Variants in GPC5 observed in about 807,000 individuals in gnomAD.
GPC5 encodes the protein glypican 5.
In GPC5, 47 loss-of-function variants were observed where a neutral mutation model predicts 53.9. That is an observed-to-expected ratio of 0.87 (90% CI 0.69 to 1.11). The LOEUF is 1.11. Among genes scored for constraint, GPC5 ranks in the 50% most tolerant of loss-of-function variants. The pLI is 0.00. For missense variants in GPC5, 748 were observed against 713.1 expected (o/e 1.05, Z -0.56); for synonymous variants, 286 against 263.3 (o/e 1.09, Z -0.84).
At chr13:92,211,725 C>T (rs989194893) in intron 7 of GPC5, among the ~76,000 whole-genome samples, 1 of 152,154 alleles carries the variant, frequency 6.6e-6, no homozygotes, top group Admixed American at 6.5e-5. Context: ...AATTTGAGAA[C>T]TCCTGAATTA....
chr13:91,866,246 G>A (rs561738363), intron 5 of GPC5, among the ~76,000 whole-genome samples: 113 of 152,226 alleles, frequency 7.4e-4, no homozygotes, highest in Non-Finnish European at 1.5e-3. Flanking sequence ...TAATTTGCTT[G>A]ATGGTTGAAA....
intron 2 of GPC5, among the ~76,000 whole-genome samples, chr13:91,598,275 A>T (rs1411908467): frequency 2.6e-5 from 4 of 152,126 alleles, no homozygotes; most frequent in Admixed American, 6.6e-5. Flanking sequence ...AGTACCAGTG[A>T]CGATGCACTT....
At chr13:92,038,091 A>C (rs2040908304) in intron 6 of GPC5, among the ~76,000 whole-genome samples, 1 of 151,992 alleles carries the variant, frequency 6.6e-6, no homozygotes, top group Non-Finnish European at 1.5e-5. Context: ...GTGGCATGTG[A>C]TTGGCTTATG....
chr13:92,725,100 G>T (rs746156585), intron 7 of GPC5, among the ~76,000 whole-genome samples: 1 of 151,416 alleles, frequency 6.6e-6, no homozygotes, highest in African/African-American at 2.4e-5. Context: ...GTTATCTACC[G>T]TTTTCTCATC....
At chr13:91,562,382 A>T (rs2138922149) in intron 2 of GPC5, among the ~76,000 whole-genome samples, 1 of 152,176 alleles carries the variant, frequency 6.6e-6, no homozygotes. Context: ...GGAGTTCTCC[A>T]AATATTTAGG....
intron 7 of GPC5, among the ~76,000 whole-genome samples, chr13:92,263,027 T>C (rs1349724805): frequency 1.3e-5 from 2 of 152,188 alleles, no homozygotes; most frequent in African/African-American, 4.8e-5. Flanking sequence ...TGGAACACCT[T>C]GGTTTATATT....
chr13:92,037,339 C>G (rs1314456874), intron 6 of GPC5, among the ~76,000 whole-genome samples: 1 of 152,104 alleles, frequency 6.6e-6, no homozygotes, highest in Non-Finnish European at 1.5e-5. Flanking sequence ...GACTGTAAAA[C>G]TATTTCCCTC....
intron 7 of GPC5, among the ~76,000 whole-genome samples, chr13:92,826,714 A>G (rs910565475): frequency 4.6e-5 from 7 of 152,160 alleles, no homozygotes; most frequent in Non-Finnish European, 8.8e-5. Context: ...TTCTAACATC[A>G]ATGCCTACAC....
At chr13:91,944,133 T>C (rs2039953601) in intron 6 of GPC5, among the ~76,000 whole-genome samples, 1 of 152,050 alleles carries the variant, frequency 6.6e-6, no homozygotes, top group Non-Finnish European at 1.5e-5. Context: ...TCTGGCTCTG[T>C]CGCCCAGGCT....
chr13:92,510,495 T>C (rs1045915185), intron 7 of GPC5, among the ~76,000 whole-genome samples: 2 of 152,220 alleles, frequency 1.3e-5, no homozygotes, highest in Non-Finnish European at 1.5e-5. Flanking sequence ...TTCAGGGAGC[T>C]ACCTTTTACT....
At chr13:91,891,421 T>A (rs945993903) in intron 5 of GPC5, among the ~76,000 whole-genome samples, 1 of 152,164 alleles carries the variant, frequency 6.6e-6, no homozygotes, top group African/African-American at 2.4e-5. Context: ...TATGTTCTGT[T>A]TAAAGCCTTG....
intron 5 of GPC5, 75 bp from the exon 6 acceptor site, chr13:91,907,862 A>C (rs2039571128): frequency 6.7e-7 from 1 of 1,499,672 alleles, no homozygotes; most frequent in African/African-American, 1.4e-5. Flanking sequence ...TCCGACCTCA[A>C]ATATGTTCAG....
At chr13:92,562,987 A>G (rs1347717507) in intron 7 of GPC5, among the ~76,000 whole-genome samples, 4 of 152,146 alleles carry the variant, frequency 2.6e-5, no homozygotes, top group South Asian at 2.1e-4. Context: ...GACCAACTCA[A>G]TAGTACTGTG....
rs553759179 is a variant in GPC5, at chr13:92,029,223, T to C, written c.1402-115607T>C. Among the ~76,000 whole-genome samples the C allele has an allele frequency of 1.3e-4, 20 of 152,278 alleles. No individual in the cohort carries two copies. In the East Asian group the frequency reaches 3.3e-3, roughly 25 times the overall value. On this transcript the variant is annotated intron_variant, in intron 6 of 7. Coordinates refer to ENST00000377067, the MANE Select transcript of GPC5 (RefSeq NM_004466.6). ...AGAAAAAAGAAGGGGGAAAATGCCATTGCTTGAGCCTCTATACCATAATGA... is the reference window on the plus strand; with the variant it reads ...AGAAAAAAGAAGGGGGAAAATGCCACTGCTTGAGCCTCTATACCATAATGA...
intron 2 of GPC5, among the ~76,000 whole-genome samples, chr13:91,476,961 T>A (rs1346050772): frequency 6.6e-6 from 1 of 152,156 alleles, no homozygotes; most frequent in Non-Finnish European, 1.5e-5. Flanking sequence ...CAGAAAGCGA[T>A]GTTGGACCCC....
At chr13:91,687,747 A>AT (rs2035653920) in intron 2 of GPC5, among the ~76,000 whole-genome samples, 1 of 152,038 alleles carries the variant, frequency 6.6e-6, no homozygotes. Context: ...CACACAAAAA[A>AT]TTTTATTCCT....
intron 7 of GPC5, among the ~76,000 whole-genome samples, chr13:92,526,790 T>G (rs1189075346): frequency 2.0e-5 from 3 of 151,886 alleles, no homozygotes; most frequent in Admixed American, 6.6e-5. Flanking sequence ...AAATGTGTTT[T>G]AGGTTTAAAA....
chr13:92,456,720 A>T (rs1878280629), intron 7 of GPC5, among the ~76,000 whole-genome samples: 1 of 151,900 alleles, frequency 6.6e-6, no homozygotes, highest in Non-Finnish European at 1.5e-5. Context: ...CTTGTCCTCC[A>T]CTCTTGAAAA....
intron 6 of GPC5, among the ~76,000 whole-genome samples, chr13:91,998,692 T>A (rs1350199977): frequency 6.6e-6 from 1 of 152,196 alleles, no homozygotes; most frequent in African/African-American, 2.4e-5. Flanking sequence ...CTTAATTGGC[T>A]TCCTAGTTCA....
Sources: allele counts gnomAD v4.1 joint callset (sites outside exome capture counted in the v4.1 genomes callset), GRCh38; gene constraint gnomAD v4.1.1; transcripts MANE v1.5; gene names NCBI Gene and HGNC (gene_info 2026-07-23, HGNC 2026-07-21).